The following NUGGC variants were observed in gnomAD, a reference collection of about 807,000 sequenced individuals.
The protein encoded by NUGGC is nuclear GTPase SLIP-GC.
In NUGGC, 58 loss-of-function variants were observed where a neutral mutation model predicts 92.6. The observed-to-expected ratio is 0.63, with a 90% CI of 0.51 to 0.78. NUGGC has a LOEUF of 0.78. Among genes scored for constraint, NUGGC ranks in the 30% least tolerant of loss-of-function variants. NUGGC has a pLI of 0.00. For missense variants in NUGGC, 925 were observed against 964.6 expected, an observed-to-expected ratio of 0.96 and a Z score of 0.54; for synonymous variants, 376 against 366.4, an observed-to-expected ratio of 1.03 and a Z score of -0.30.
intron 1 of NUGGC, among the ~76,000 whole-genome samples, chr8:28,083,332 G>A (rs1563236624): frequency 6.6e-6 from 1 of 152,110 alleles, no homozygotes; most frequent in Non-Finnish European, 1.5e-5. Flanking sequence ...GTCTAATAAT[G>A]AGAAAAACAT....
chr8:28,041,790 C>T (rs1229706982), intron 12 of NUGGC, among the ~76,000 whole-genome samples: 1 of 152,170 alleles, frequency 6.6e-6, no homozygotes, highest in African/African-American at 2.4e-5. Context: ...AAAATAAATC[C>T]ATGCTTCCTT....
intron 10 of NUGGC, among the ~76,000 whole-genome samples, chr8:28,052,230 C>T (rs1051749036): frequency 2.6e-5 from 4 of 152,128 alleles, no homozygotes; most frequent in African/African-American, 9.7e-5. Context: ...ATTGTTTCCC[C>T]GTTTAATATT....
rs2130041146 is a variant in NUGGC at position 28,022,936 on chromosome 8, T to C, written c.*381A>G. 6.2e-6 allele frequency: 1 copy of C among 160,628 alleles called. No homozygotes were observed. Among genetic ancestry groups the C allele is most frequent in the Admixed American group, 6.1e-5 (1 of 16,482 alleles). The allele number at this position is 160,628 out of a possible 1,614,324, so 10.0% of individuals were successfully genotyped here. ...AAATATAAAAATTAACCGGGTGTGG[T>C]GGCAGTCGCCTATAATCCCAGCTAC... On this transcript the variant is annotated 3_prime_UTR_variant, in exon 19 of 19. Coordinates refer to ENST00000413272, the MANE Select transcript of NUGGC (RefSeq NM_001010906.2).
chr8:28,025,749 C>G (rs1809243284), intron 18 of NUGGC, among the ~76,000 whole-genome samples: 1 of 152,182 alleles, frequency 6.6e-6, no homozygotes, highest in African/African-American at 2.4e-5. Context: ...GTGGCTTTGA[C>G]TTTGGGAACA....
chr8:28,054,779 C>T (rs943748260), intron 10 of NUGGC, among the ~76,000 whole-genome samples: 1 of 151,516 alleles, frequency 6.6e-6, no homozygotes, highest in Non-Finnish European at 1.5e-5. Context: ...CACTGTGGTG[C>T]TTGCCGAGCT....
intron 9 of NUGGC, among the ~76,000 whole-genome samples, chr8:28,057,251 C>A (rs1379597804): frequency 5.9e-5 from 9 of 151,444 alleles, no homozygotes; most frequent in Non-Finnish European, 1.0e-4. Context: ...ATCTTGTAAA[C>A]AGATGAAGTA....
chr8:28,060,519 T>G lies in NUGGC; in HGVS notation c.1004A>C (p.Asn335Thr). Residue 335 changes from asparagine (N) to threonine (T), a missense_variant, in exon 8 of 19, where the codon AAT becomes ACT. By Grantham distance (65) the Asn-to-Thr change is moderately conservative (BLOSUM62 0). Coordinates refer to ENST00000413272, the MANE Select transcript of NUGGC (RefSeq NM_001010906.2). The stretch of plus-strand genomic sequence containing the variant: ...CCGCTGGCAGGCTTTGATGCTCTCA[T>G]TCAGAAGGTCTTCGTGGGCTTGCCC... ...SGGQAHEDLL[N>T]ESIKACQRGF... 6.2e-7 allele frequency: 1 copy of G among 1,613,902 alleles called. No individual in the cohort carries two copies. The highest frequency in any genetic ancestry group is 8.5e-7 in the Non-Finnish European group (1 of 1,179,852).
intron 17 of NUGGC, among the ~76,000 whole-genome samples, chr8:28,028,408 T>G (rs925234318): frequency 6.6e-6 from 1 of 152,190 alleles, no homozygotes; most frequent in Non-Finnish European, 1.5e-5. Flanking sequence ...AAAACTGCAG[T>G]CCCGGTGGAG....
intron 9 of NUGGC, among the ~76,000 whole-genome samples, chr8:28,056,609 C>T (rs1045619012): frequency 4.6e-5 from 7 of 151,968 alleles, no homozygotes; most frequent in African/African-American, 1.7e-4. Flanking sequence ...AAAAAACTCA[C>T]AGACAAACCC....
At position 28,023,067 on chromosome 8, in the gene NUGGC, C is replaced by A. The variant is rs1809157813; in HGVS notation, c.*250G>T. 7 of 280,650 alleles carry A rather than the reference C, an allele frequency of 2.5e-5. No homozygotes were observed. Among genetic ancestry groups the A allele is most frequent in the Non-Finnish European group, 4.4e-5 (7 of 157,652 alleles). The allele number at this position is 280,650 out of a possible 1,614,324, so 17.4% of individuals were successfully genotyped here. ...CCTGGGTGACACAGCGAGACTCTGTCTCAAAAAAAAAAAAAAAAAAATTAC... is the reference window on the plus strand; with the variant it reads ...CCTGGGTGACACAGCGAGACTCTGTATCAAAAAAAAAAAAAAAAAAATTAC... On this transcript the variant is annotated 3_prime_UTR_variant, in exon 19 of 19. Transcript: ENST00000413272.
At chr8:28,042,699 C>G (rs1809730496) in intron 12 of NUGGC, among the ~76,000 whole-genome samples, 1 of 152,194 alleles carries the variant, frequency 6.6e-6, no homozygotes, top group Non-Finnish European at 1.5e-5. Context: ...GGAGCAGGCT[C>G]TTAGTCATGC....
intron 11 of NUGGC, 126 bp from the exon 12 acceptor site, chr8:28,045,786 G>A: frequency 1.0e-6 from 1 of 971,590 alleles, no homozygotes; most frequent in Non-Finnish European, 1.5e-6. Context: ...AAGTGGGCTG[G>A]ATGCCTACAG....
intron 17 of NUGGC, among the ~76,000 whole-genome samples, chr8:28,028,790 T>G (rs146079703): frequency 8.5e-5 from 13 of 152,290 alleles, no homozygotes; most frequent in African/African-American, 2.6e-4. Context: ...GAGTAGTGTA[T>G]TGATATTTAC....
chr8:28,037,200 A>G (rs540580340), intron 13 of NUGGC, among the ~76,000 whole-genome samples: 1 of 152,242 alleles, frequency 6.6e-6, no homozygotes, highest in South Asian at 2.1e-4. Flanking sequence ...TTTTTCCCCA[A>G]GCATTACACT....
At chr8:28,048,768 C>A (rs1809909472) in intron 10 of NUGGC, among the ~76,000 whole-genome samples, 1 of 145,734 alleles carries the variant, frequency 6.9e-6, no homozygotes, top group African/African-American at 2.5e-5. Context: ...GAGGCTGAGA[C>A]AAGAGAATTG....
chr8:28,067,548 G>C lies in NUGGC; in HGVS notation c.677C>G (p.Pro226Arg). The C allele has an allele frequency of 6.2e-7, 1 of 1,612,064 alleles. No individual in the cohort carries two copies. Among genetic ancestry groups the C allele is most frequent in the Non-Finnish European group, 8.5e-7 (1 of 1,179,036 alleles). ...LLRAKPKRKIPTSRVITLKAE... is the reference protein window; with the variant it reads ...LLRAKPKRKIRTSRVITLKAE... ...CTTGAGGGTGATGACTCTGGAGGTG[G>C]GGATCTTCCTTTTGGGCTTCGCCCT... is the stretch of plus-strand genomic sequence containing the variant. The change falls in exon 6 of 19, where the codon CCC becomes CGC. Residue 226 changes from proline (P) to arginine (R), a missense_variant. By Grantham distance (103) the Pro-to-Arg change is moderately radical (BLOSUM62 -2). Coordinates refer to ENST00000413272, the MANE Select transcript of NUGGC (RefSeq NM_001010906.2).
intron 8 of NUGGC, among the ~76,000 whole-genome samples, chr8:28,059,321 C>A (rs191691043): frequency 6.6e-6 from 1 of 152,134 alleles, no homozygotes; most frequent in Non-Finnish European, 1.5e-5. Context: ...AATCATACCC[C>A]CTCTCACTCT....
chr8:28,024,351 T>C (rs1032678292), intron 18 of NUGGC, among the ~76,000 whole-genome samples: 40 of 152,166 alleles, frequency 2.6e-4, no homozygotes, highest in African/African-American at 8.9e-4. Context: ...GGCCAAGCCT[T>C]GGTTGGGCCT....
chr8:28,080,990 T>G (rs1239017367), intron 1 of NUGGC, among the ~76,000 whole-genome samples: 4 of 151,362 alleles, frequency 2.6e-5, no homozygotes, highest in Non-Finnish European at 5.9e-5. Flanking sequence ...TCTCCACATA[T>G]AGGATAGAAT....
Sources: allele counts gnomAD v4.1 joint callset (sites outside exome capture counted in the v4.1 genomes callset), GRCh38; gene constraint gnomAD v4.1.1; transcripts MANE v1.5; gene names NCBI Gene and HGNC (gene_info 2026-07-23, HGNC 2026-07-21).